RSC1A1: variants seen among roughly 807,000 people sequenced by gnomAD.
The protein encoded by RSC1A1 is regulatory solute carrier protein family 1 member 1.
Under a neutral mutation model 7.7 loss-of-function variants are expected in RSC1A1, and 6 were observed. That is an observed-to-expected ratio of 0.78 (90% CI 0.43 to 1.53). The LOEUF is 1.53. Among genes scored for constraint, RSC1A1 ranks in the 40% most tolerant of loss-of-function variants. The probability of loss-of-function intolerance (pLI) is 0.01; values close to 1 mark genes in which losing one functional copy is unlikely to be tolerated. For missense variants in RSC1A1, 729 were observed against 726.3 expected (o/e 1.00, Z -0.04); for synonymous variants, 250 against 263.0 (o/e 0.95, Z 0.48).
rs1186435987 is a variant in RSC1A1 at position 15,660,139 on chromosome 1, C to G, written c.271C>G (p.Gln91Glu). 3 of 1,614,202 alleles carry G rather than the reference C, an allele frequency of 1.9e-6. No homozygotes were observed. Among genetic ancestry groups the G allele is most frequent in the Non-Finnish European group, 2.5e-6 (3 of 1,180,032 alleles). The change falls in exon 1 of 1, where the codon CAG becomes GAG. Residue 91 changes from glutamine (Q) to glutamate (E), a missense_variant. Physicochemically the swap from Gln to Glu is conservative, Grantham distance 29. Coordinates refer to ENST00000345034, the MANE Select transcript of RSC1A1 (RefSeq NM_006511.3). ...CTCAGCAGACCATGCTCCAACAGACCAGAGTCCAGCTATGCCTATGCAGAA... is the reference window on the plus strand; with the variant it reads ...CTCAGCAGACCATGCTCCAACAGACGAGAGTCCAGCTATGCCTATGCAGAA... The part of the protein sequence containing the change: ...ASSADHAPTD[Q>E]SPAMPMQNSS...
At chr1:15,660,337 CAG>C in the RSC1A1 span, 1 of 1,614,128 alleles carries the variant, frequency 6.2e-7, no homozygotes, top group Middle Eastern at 1.6e-4. Flanking sequence ...TCCAGAAAAT[CAG>C]AACCTGAGTC....
the RSC1A1 span, chr1:15,661,697 C>CA: frequency 6.2e-7 from 1 of 1,606,654 alleles, no homozygotes; most frequent in Non-Finnish European, 8.5e-7. Context: ...GTTTTGCTCG[C>CA]AAAAAACATC....
In RSC1A1 at chr1:15,660,830, G is replaced by A. The variant is rs760320439; in HGVS notation, c.962G>A (p.Gly321Glu). 2.5e-6 allele frequency: 4 copies of A among 1,614,036 alleles called. No individual in the cohort carries two copies. In the South Asian group the frequency reaches 3.3e-5, roughly 13 times the overall value. ...QPPETNVEIP[G>E]TNKEYGHYSS... Reference sequence around the variant, plus strand: ...CCAGAAACTAATGTTGAAATACCTGGAACAAATAAAGAATATGGCCATTAC... The same window carrying A: ...CCAGAAACTAATGTTGAAATACCTGAAACAAATAAAGAATATGGCCATTAC... Residue 321 changes from glycine (G) to glutamate (E), a missense_variant, in exon 1 of 1, where the codon GGA becomes GAA. By Grantham distance (98) the Gly-to-Glu change is moderately conservative. Coordinates refer to ENST00000345034, the MANE Select transcript of RSC1A1 (RefSeq NM_006511.3).
At position 15,661,488 on chromosome 1, in the gene RSC1A1, A is replaced by C. The variant is rs1640378252; in HGVS notation, c.1620A>C (p.Glu540Asp). The C allele has an allele frequency of 1.2e-6, 2 of 1,613,960 alleles. No homozygotes were observed. Among genetic ancestry groups the C allele is most frequent in the Non-Finnish European group, 1.7e-6 (2 of 1,179,886 alleles). ...TAACAGACAGGCCTGAAACCAGAGAAAATGTCTGTCCTGATGCTTCGAGGC... is the reference window on the plus strand; with the variant it reads ...TAACAGACAGGCCTGAAACCAGAGACAATGTCTGTCCTGATGCTTCGAGGC... ...NSVTDRPETR[E>D]NVCPDASRPL... Residue 540 changes from glutamate to aspartate, a missense_variant, in exon 1 of 1, where the codon GAA becomes GAC. By Grantham distance (45) the Glu-to-Asp change is conservative. Transcript: ENST00000345034.
chr1:15,659,787 A>G lies in RSC1A1; in HGVS notation c.-82A>G, dbSNP rs577315479. On this transcript the variant is annotated 5_prime_UTR_variant, in exon 1 of 1. Coordinates refer to ENST00000345034, the MANE Select transcript of RSC1A1 (RefSeq NM_006511.3). ...TTGTATCCTCTGGTAATTTAGTGGC[A>G]TTAGTCACCTGCTAATTAATCTTTT... The G allele has an allele frequency of 5.2e-5, 77 of 1,474,444 alleles. No homozygotes were observed. In the African/African-American group the frequency reaches 7.1e-4, roughly 14 times the overall value. The allele number at this position is 1,474,444 out of a possible 1,614,324, so 91.3% of individuals were successfully genotyped here. A position where few individuals can be genotyped will look rare whatever the true frequency, so the allele number is the denominator to read the frequency against.
Position 15,661,790 on chromosome 1 carries a change from G to T in RSC1A1, c.*68G>T. ...AAAAGAAAGCTCTCTCTATATACAC[G>T]CACACATACACACTCACCACATATA... On this transcript the variant is annotated 3_prime_UTR_variant, in exon 1 of 1. Coordinates refer to ENST00000345034, the MANE Select transcript of RSC1A1 (RefSeq NM_006511.3). 1 of 1,503,620 alleles carries T rather than the reference G, an allele frequency of 6.7e-7. No individual in the cohort carries two copies. The highest frequency in any genetic ancestry group is 8.9e-7 in the Non-Finnish European group (1 of 1,125,962). 93.1% of individuals were successfully genotyped at this position (1,503,620 alleles called of 1,614,324 possible).
rs575441329 is a variant in RSC1A1, at chr1:15,660,871, T to C, written c.1003T>C (p.Cys335Arg). The C allele has an allele frequency of 6.1e-5, 99 of 1,614,172 alleles. 1 individual carries two copies. The South Asian group carries it at 1.0e-3, about 16-fold the overall frequency. The change falls in exon 1 of 1, where the codon TGT becomes CGT. Residue 335 changes from cysteine (C) to arginine (R), a missense_variant. Physicochemically the swap from Cys to Arg is radical, Grantham distance 180 (BLOSUM62 -3). Transcript: ENST00000345034. ...TGGCCATTACTCCTCTCCAAGTCTCTGTGGCAGTTGTCAGCCTTCTGTGGA... is the reference window on the plus strand; with the variant it reads ...TGGCCATTACTCCTCTCCAAGTCTCCGTGGCAGTTGTCAGCCTTCTGTGGA... ...EYGHYSSPSL[C>R]GSCQPSVESA...
the RSC1A1 span, chr1:15,659,879 T>A: frequency 6.3e-7 from 1 of 1,576,730 alleles, no homozygotes; most frequent in Non-Finnish European, 8.6e-7. Flanking sequence ...ATGTCATCAT[T>A]ACCAACTTCA....
Position 15,661,246 on chromosome 1 carries a change from G to T in RSC1A1, c.1378G>T (p.Val460Phe), listed in dbSNP as rs758632334. Residue 460 changes from valine (V) to phenylalanine (F), a missense_variant, in exon 1 of 1, where the codon GTC (valine) becomes TTC (phenylalanine). By Grantham distance (50) the Val-to-Phe change is conservative. Coordinates refer to ENST00000345034, the MANE Select transcript of RSC1A1 (RefSeq NM_006511.3). ...GDGLSTDKEG[V>F]PKSRESINKN... Reference sequence around the variant, plus strand: ...TGGCCTGTCAACCGATAAGGAAGGTGTCCCCAAATCTAGGGAATCCATAAA... The same window carrying T: ...TGGCCTGTCAACCGATAAGGAAGGTTTCCCCAAATCTAGGGAATCCATAAA... 1 of 1,614,196 alleles carries T rather than the reference G, an allele frequency of 6.2e-7. No homozygotes were observed. Among genetic ancestry groups the T allele is most frequent in the African/African-American group, 1.3e-5 (1 of 75,064 alleles).
Position 15,661,789 on chromosome 1 carries a change from C to T in RSC1A1, c.*67C>T, listed in dbSNP as rs965507485. The T allele has an allele frequency of 2.3e-5, 35 of 1,506,082 alleles. No homozygotes were observed. The East Asian group carries it at 2.5e-4, about 11-fold the overall frequency. The allele number at this position is 1,506,082 out of a possible 1,614,324, so 93.3% of individuals were successfully genotyped here. ...CAAAAGAAAGCTCTCTCTATATACA[C>T]GCACACATACACACTCACCACATAT... On this transcript the variant is annotated 3_prime_UTR_variant, in exon 1 of 1. Coordinates refer to ENST00000345034, the MANE Select transcript of RSC1A1 (RefSeq NM_006511.3).
Position 15,661,115 on chromosome 1 carries a change from T to TTCA in RSC1A1, c.1251_1253dup (p.His417dup). The TTCA allele has an allele frequency of 6.2e-7, 1 of 1,613,808 alleles. No individual in the cohort carries two copies. Among genetic ancestry groups the TTCA allele is most frequent in the Non-Finnish European group, 8.5e-7 (1 of 1,179,870 alleles). ...AATGAACAGTGTCCACAAGTCTCCT[T>TTCA]TCATCAGGCCATATCTGTATCAGTG... is the stretch of plus-strand genomic sequence containing the variant. On this transcript the variant is annotated inframe_insertion, in exon 1 of 1. Transcript: ENST00000345034.
Position 15,661,642 on chromosome 1 carries a change from G to A in RSC1A1, c.1774G>A (p.Gly592Arg). ...TGGCTTTACTTTGCAGGAAGCTCTT[G>A]GAGCTTTGCATCGAGTTGGTGGGAA... The part of the protein sequence containing the change: ...RAGFTLQEAL[G>R]ALHRVGGNAD... Residue 592 changes from glycine (G) to arginine (R), a missense_variant, in exon 1 of 1, where the codon GGA (glycine) becomes AGA (arginine). Gly to Arg is a moderately radical substitution (Grantham distance 125). Coordinates refer to ENST00000345034, the MANE Select transcript of RSC1A1 (RefSeq NM_006511.3). 6.2e-7 allele frequency: 1 copy of A among 1,614,108 alleles called. No individual in the cohort carries two copies. Among genetic ancestry groups the A allele is most frequent in the Non-Finnish European group, 8.5e-7 (1 of 1,180,038 alleles).
Position 15,660,171 on chromosome 1 carries a change from C to T in RSC1A1, c.303C>T (p.Ser101=), listed in dbSNP as rs753063594. The T allele has an allele frequency of 6.8e-6, 11 of 1,614,172 alleles. No individual in the cohort carries two copies. Among genetic ancestry groups the T allele is most frequent in the Admixed American group, 5.0e-5 (3 of 60,020 alleles). Residue 101 remains serine, a synonymous_variant, in exon 1 of 1, where the codon TCC becomes TCT. Transcript: ENST00000345034. Reference sequence around the variant, plus strand: ...CAGCTATGCCTATGCAGAATTCATCCGAAGAAATAACTGTTGCAGGTAATC... The same window carrying T: ...CAGCTATGCCTATGCAGAATTCATCTGAAGAAATAACTGTTGCAGGTAATC... The part of the protein sequence containing the change: ...QSPAMPMQNS[S]EEITVAGNLE...
rs1570994412 is a variant in RSC1A1, at chr1:15,660,263, G to C, written c.395G>C (p.Ser132Thr). ...KFHLHTRQEA[S>T]LSVTSTRMHE... ...CATCTCCATACAAGACAGGAAGCTA[G>C]TTTATCTGTCACATCTACTAGGATG... The change falls in exon 1 of 1, where the codon AGT (serine) becomes ACT (threonine). Residue 132 changes from serine (S) to threonine (T), a missense_variant. Physicochemically the swap from Ser to Thr is moderately conservative, Grantham distance 58. Coordinates refer to ENST00000345034, the MANE Select transcript of RSC1A1 (RefSeq NM_006511.3). 3 of 1,614,196 alleles carry C rather than the reference G, an allele frequency of 1.9e-6. No homozygotes were observed. The highest frequency in any genetic ancestry group is 1.3e-5 in the African/African-American group (1 of 75,058).
Position 15,659,757 on chromosome 1 carries a change from T to C in RSC1A1, c.-112T>C. The C allele has an allele frequency of 1.4e-6, 2 of 1,411,976 alleles. No individual in the cohort carries two copies. The highest frequency in any genetic ancestry group is 1.9e-6 in the Non-Finnish European group (2 of 1,069,196). The allele number at this position is 1,411,976 out of a possible 1,614,324, so 87.5% of individuals were successfully genotyped here. ...GGACCTTATTTTATTCTACGCTGTT[T>C]AGATTTGTATCCTCTGGTAATTTAG... On this transcript the variant is annotated 5_prime_UTR_variant, in exon 1 of 1. Transcript: ENST00000345034.
At chr1:15,660,883 C>T in the RSC1A1 span, 1 of 1,614,116 alleles carries the variant, frequency 6.2e-7, no homozygotes, top group Non-Finnish European at 8.5e-7. Context: ...TGGCAGTTGT[C>T]AGCCTTCTGT....
rs1340318317 is a variant in RSC1A1 at position 15,661,906 on chromosome 1, A to G, written c.*184A>G. On this transcript the variant is annotated 3_prime_UTR_variant, in exon 1 of 1. Coordinates refer to ENST00000345034, the MANE Select transcript of RSC1A1 (RefSeq NM_006511.3). Reference sequence around the variant, plus strand: ...AAAGTAATTTATGATCTTTTGTCTGATGAATTTGTCTATCCTACTTGTTAA... The same window carrying G: ...AAAGTAATTTATGATCTTTTGTCTGGTGAATTTGTCTATCCTACTTGTTAA... 1.2e-6 allele frequency: 1 copy of G among 868,028 alleles called. No individual in the cohort carries two copies. Among genetic ancestry groups the G allele is most frequent in the Non-Finnish European group, 1.6e-6 (1 of 617,502 alleles). The allele number at this position is 868,028 out of a possible 1,614,324, so 53.8% of individuals were successfully genotyped here. A position where few individuals can be genotyped will look rare whatever the true frequency, so the allele number is the denominator to read the frequency against.
Position 15,660,736 on chromosome 1 carries a change from G to A in RSC1A1, c.868G>A (p.Glu290Lys). The A allele has an allele frequency of 1.2e-6, 2 of 1,613,796 alleles. No individual in the cohort carries two copies. Among genetic ancestry groups the A allele is most frequent in the Non-Finnish European group, 1.7e-6 (2 of 1,179,938 alleles). Residue 290 changes from glutamate to lysine, a missense_variant, in exon 1 of 1, where the codon GAA becomes AAA. Coordinates refer to ENST00000345034, the MANE Select transcript of RSC1A1 (RefSeq NM_006511.3). The part of the protein sequence containing the change: ...LTLDNPLMEV[E>K]TSKCNPSSEI... ...TTTAGATAATCCCTTGATGGAAGTA[G>A]AAACATCAAAATGTAACCCTTCATC...
chr1:15,661,888 T>C lies in RSC1A1; in HGVS notation c.*166T>C. ...TAAAGATTTTTTTCGGCCAAAGTAA[T>C]TTATGATCTTTTGTCTGATGAATTT... is the stretch of plus-strand genomic sequence containing the variant. On this transcript the variant is annotated 3_prime_UTR_variant, in exon 1 of 1. Transcript: ENST00000345034. 1.8e-5 allele frequency: 18 copies of C among 976,916 alleles called. No homozygotes were observed. The highest frequency in any genetic ancestry group is 2.5e-5 in the Non-Finnish European group (18 of 714,832). 60.5% of individuals were successfully genotyped at this position (976,916 alleles called of 1,614,324 possible).
Sources: gnomAD v4.1 joint callset for allele counts on GRCh38, gnomAD v4.1.1 for gene constraint, MANE v1.5 for transcripts, NCBI Gene and HGNC (gene_info 2026-07-23, HGNC 2026-07-21) for gene names.